ITGB6: variants seen among roughly 807,000 people sequenced by gnomAD.
ITGB6 encodes integrin beta-6.
In ITGB6, 80 loss-of-function variants were observed where a neutral mutation model predicts 84.5. The ratio of observed to expected loss-of-function variants is 0.95; its 90% CI spans 0.79 to 1.14. The LOEUF (loss-of-function observed/expected upper bound fraction) is 1.14, where lower values mean the gene tolerates loss of function less well. Ranked by LOEUF, ITGB6 falls within the 50% of genes most tolerant of loss-of-function variation. The pLI is 0.00. For missense variants in ITGB6, 1,006 were observed against 968.0 expected, an observed-to-expected ratio of 1.04 and a Z score of -0.52; for synonymous variants, 383 against 354.9, an observed-to-expected ratio of 1.08 and a Z score of -0.89.
At chr2:160,179,390 C>CTTTTTTTTTTTTTTT (rs71297445) in intron 4 of ITGB6, among the ~76,000 whole-genome samples, 4 of 131,176 alleles carry the variant, frequency 3.0e-5, no homozygotes, top group South Asian at 2.5e-4. Context: ...TTTTCTTTTT[C>CTTTTTTTTTTTTTTT]TTTTTTTTTT....
At position 160,139,061 on chromosome 2, in the gene ITGB6, G is replaced by C. The variant is rs139112371; in HGVS notation, c.1108-862C>G. On this transcript the variant is annotated intron_variant, in intron 8 of 14. Coordinates refer to ENST00000283249, the MANE Select transcript of ITGB6 (RefSeq NM_000888.5). Reference sequence around the variant, plus strand: ...TCAATATTGGAATGTATTTAGTGTAGAGTTAGGTCTGGGGAATACTATAAG... The same window carrying C: ...TCAATATTGGAATGTATTTAGTGTACAGTTAGGTCTGGGGAATACTATAAG... 1.5e-4 allele frequency among the ~76,000 whole-genome samples: 23 copies of C among 152,248 alleles called. No individual in the cohort carries two copies. The East Asian group carries it at 4.4e-3, about 29-fold the overall frequency.
chr2:160,136,130 G>A (rs1683703183), intron 10 of ITGB6, among the ~76,000 whole-genome samples: 1 of 152,032 alleles, frequency 6.6e-6, no homozygotes, highest in South Asian at 2.1e-4. Flanking sequence ...CTACAGAATG[G>A]GAGAAAATTT....
In ITGB6 at chr2:160,100,284, A is replaced by C. The variant is rs1213122827; in HGVS notation, c.*1452T>G. 6.6e-6 allele frequency: 1 copy of C among 152,270 alleles called. No homozygotes were observed. The highest frequency in any genetic ancestry group is 1.5e-5 in the Non-Finnish European group (1 of 68,042). The allele number at this position is 152,270 out of a possible 1,614,324, so 9.4% of individuals were successfully genotyped here. A position where few individuals can be genotyped will look rare whatever the true frequency, so the allele number is the denominator to read the frequency against. ...ACTATTCACCTAGTAAAAGCTTCAC[A>C]TTACAATTTAATCAAAGGTAATAAA... On this transcript the variant is annotated 3_prime_UTR_variant, in exon 15 of 15. Transcript: ENST00000283249.
intron 12 of ITGB6, among the ~76,000 whole-genome samples, chr2:160,112,681 T>A (rs1682585902): frequency 6.6e-6 from 1 of 152,074 alleles, no homozygotes; most frequent in Non-Finnish European, 1.5e-5. Flanking sequence ...GTAACATAAA[T>A]TAATATCAGG....
intron 7 of ITGB6, among the ~76,000 whole-genome samples, chr2:160,149,756 C>A (rs1684338851): frequency 6.6e-6 from 1 of 152,034 alleles, no homozygotes. Context: ...GTAGAGAAGG[C>A]CTTAAATGAC....
At chr2:160,160,533 A>G (rs2105851422) in intron 7 of ITGB6, among the ~76,000 whole-genome samples, 1 of 152,338 alleles carries the variant, frequency 6.6e-6, no homozygotes, top group East Asian at 1.9e-4. Flanking sequence ...CAAAATGTTA[A>G]ACTATGTTAT....
rs149583358 is a variant in ITGB6, at chr2:160,100,227, T to G, written c.*1509A>C. 2.0e-5 allele frequency: 3 copies of G among 152,338 alleles called. No homozygotes were observed. Among genetic ancestry groups the G allele is most frequent in the African/African-American group, 7.2e-5 (3 of 41,580 alleles). The allele number at this position is 152,338 out of a possible 1,614,324, so 9.4% of individuals were successfully genotyped here. Reference sequence around the variant, plus strand: ...TATAGATTTTGCTGTGACAATTCAATGGACAACCACGAAGCCTCCACTACA... The same window carrying G: ...TATAGATTTTGCTGTGACAATTCAAGGGACAACCACGAAGCCTCCACTACA... On this transcript the variant is annotated 3_prime_UTR_variant, in exon 15 of 15. Coordinates refer to ENST00000283249, the MANE Select transcript of ITGB6 (RefSeq NM_000888.5).
intron 4 of ITGB6, among the ~76,000 whole-genome samples, chr2:160,188,571 A>G (rs1483939935): frequency 1.3e-5 from 2 of 151,240 alleles, no homozygotes; most frequent in Non-Finnish European, 2.9e-5. Context: ...GTCAGGCCCA[A>G]TGCCAAATGC....
intron 12 of ITGB6, among the ~76,000 whole-genome samples, chr2:160,118,296 CATCAAAAAGCTT>C (rs1682873703): frequency 6.6e-6 from 1 of 152,228 alleles, no homozygotes; most frequent in Non-Finnish European, 1.5e-5. Flanking sequence ...TCCAGCAGCA[CATCAAAAAGCTT>C]ATCCACCATG....
chr2:160,195,810 T>G (rs548701911), intron 3 of ITGB6, among the ~76,000 whole-genome samples, 195 bp from the exon 4 acceptor site: 3 of 152,374 alleles, frequency 2.0e-5, no homozygotes, highest in African/African-American at 7.2e-5. Context: ...TTAGAACTAT[T>G]GGAGGATAAG....
At chr2:160,121,889 C>CTT (rs540209773) in intron 12 of ITGB6, among the ~76,000 whole-genome samples, 12 of 143,902 alleles carry the variant, frequency 8.3e-5, no homozygotes, top group Admixed American at 4.2e-4. Flanking sequence ...TAAAGTTATG[C>CTT]TTTTTTTTTT....
At chr2:160,188,986 T>C (rs1161781468) in intron 4 of ITGB6, among the ~76,000 whole-genome samples, 6 of 152,088 alleles carry the variant, frequency 3.9e-5, no homozygotes, top group Non-Finnish European at 8.8e-5. Flanking sequence ...AACAGCATGG[T>C]ACTGGTACCA....
At chr2:160,197,602 T>C (rs1686394141) in intron 2 of ITGB6, among the ~76,000 whole-genome samples, 1 of 152,238 alleles carries the variant, frequency 6.6e-6, no homozygotes, top group African/African-American at 2.4e-5. Context: ...CTTGCTGTTT[T>C]CATCAACTAG....
intron 4 of ITGB6, among the ~76,000 whole-genome samples, chr2:160,192,936 A>T (rs1346207193): frequency 6.6e-6 from 1 of 152,136 alleles, no homozygotes; most frequent in Non-Finnish European, 1.5e-5. Flanking sequence ...CTACAATGAG[A>T]TGCTACCCCA....
At chr2:160,174,482 C>A (rs564190602) in intron 4 of ITGB6, among the ~76,000 whole-genome samples, 1 of 152,272 alleles carries the variant, frequency 6.6e-6, no homozygotes, top group East Asian at 1.9e-4. Context: ...GTTAATACAA[C>A]GACAATTCCT....
At chr2:160,116,558 C>T (rs1415952977) in intron 12 of ITGB6, among the ~76,000 whole-genome samples, 3 of 152,218 alleles carry the variant, frequency 2.0e-5, no homozygotes, top group Non-Finnish European at 4.4e-5. Context: ...ACTGCAAAAA[C>T]ATGCCAAAAT....
chr2:160,159,683 G>T (rs1684749485), intron 7 of ITGB6, among the ~76,000 whole-genome samples: 2 of 151,974 alleles, frequency 1.3e-5, no homozygotes, highest in African/African-American at 2.4e-5. Context: ...CTGCCTCAGG[G>T]CCTTTGCACA....
chr2:160,112,931 C>T (rs1682594351), intron 12 of ITGB6, among the ~76,000 whole-genome samples: 1 of 152,124 alleles, frequency 6.6e-6, no homozygotes, highest in African/African-American at 2.4e-5. Context: ...ATCTGAGATG[C>T]CAGTACTATC....
intron 7 of ITGB6, among the ~76,000 whole-genome samples, chr2:160,149,832 C>A (rs929573669): frequency 3.3e-5 from 5 of 151,926 alleles, no homozygotes; most frequent in Non-Finnish European, 1.5e-5. Context: ...ATAGCAGGTT[C>A]AATCAAGTGG....
Sources: allele counts gnomAD v4.1 joint callset (sites outside exome capture counted in the v4.1 genomes callset), GRCh38; gene constraint gnomAD v4.1.1; transcripts MANE v1.5; gene names NCBI Gene and HGNC (gene_info 2026-07-23, HGNC 2026-07-21).